LHX1: variants seen among roughly 807,000 people sequenced by gnomAD.
LHX1 encodes the protein LIM homeobox 1, also known as LIM/homeobox protein Lhx1.
A neutral mutation model predicts 34.1 loss-of-function variants in LHX1; 9 were observed. The observed-to-expected ratio is 0.26, with a 90% confidence interval of 0.16 to 0.46. The LOEUF (loss-of-function observed/expected upper bound fraction) is 0.46. LHX1 is among the 20% of genes least tolerant of loss of function. The pLI is 1.00. For synonymous variants in LHX1, 254 were observed against 241.5 expected (o/e 1.05, Z -0.48); for missense variants, 446 against 559.1 (o/e 0.80, Z 2.04).
At chr17:36,937,055 AG>A, upstream of LHX1, 2 of 273,810 alleles carry the variant, frequency 7.3e-6, no homozygotes, top group Non-Finnish European at 1.5e-5. Context: ...AAAAAAAAAA[AG>A]GAAGGAGGCT....
Position 36,937,742 on chromosome 17 carries a change from T to A in LHX1, c.-456T>A. ...GATGCACTTTGACTTCTGACAGCTC[T>A]ACCTCAAGCCCCGGAGAACTCAGCG... On this transcript the variant is annotated 5_prime_UTR_variant, in exon 1 of 5. Coordinates refer to ENST00000614239, the MANE Select transcript of LHX1 (RefSeq NM_005568.5). The A allele has an allele frequency of 2.2e-6, 1 of 462,746 alleles. No individual in the cohort carries two copies. Among genetic ancestry groups the A allele is most frequent in the Non-Finnish European group, 4.3e-6 (1 of 232,166 alleles). 28.7% of individuals were successfully genotyped at this position (462,746 alleles called of 1,614,324 possible). A position where few individuals can be genotyped will look rare whatever the true frequency, so the allele number is the denominator to read the frequency against.
chr17:36,940,368 G>C lies in LHX1; in HGVS notation c.249G>C (p.Val83=), dbSNP rs1446233046. The part of the protein sequence containing the change: ...SDLVRRARSK[V]FHLNCFTCMM... The stretch of plus-strand genomic sequence containing the variant: ...TGGTGCGGAGAGCGCGGAGCAAAGT[G>C]TTTCACCTGAACTGCTTCACCTGCA... The change falls in exon 2 of 5, where the codon GTG becomes GTC. Residue 83 remains valine, a synonymous_variant. Coordinates refer to ENST00000614239, the MANE Select transcript of LHX1 (RefSeq NM_005568.5). 9.3e-6 allele frequency: 15 copies of C among 1,612,264 alleles called. No individual in the cohort carries two copies. Among genetic ancestry groups the C allele is most frequent in the Non-Finnish European group, 1.3e-5 (15 of 1,179,782 alleles).
chr17:36,938,445 G>A lies in LHX1; in HGVS notation c.170+78G>A, dbSNP rs1863324601. On this transcript the variant is annotated intron_variant, in intron 1 of 4. Coordinates refer to ENST00000614239, the MANE Select transcript of LHX1 (RefSeq NM_005568.5). ...GGCCAGCTTCGGATCAGAGGTTAGC[G>A]TGGCCTCGCTGCCCAGTTAGGAACT... 13 of 1,455,554 alleles carry A rather than the reference G, an allele frequency of 8.9e-6. No individual in the cohort carries two copies. The South Asian group carries it at 1.1e-4, about 13-fold the overall frequency. The allele number at this position is 1,455,554 out of a possible 1,614,324, so 90.2% of individuals were successfully genotyped here. A position where few individuals can be genotyped will look rare whatever the true frequency, so the allele number is the denominator to read the frequency against.
intron 1 of LHX1, 167 bp downstream of exon 1, chr17:36,938,534 G>T: frequency 1.4e-6 from 1 of 719,800 alleles, no homozygotes; most frequent in Non-Finnish European, 2.5e-6. Context: ...CGCGCTGGGA[G>T]CCCGGGACGC....
Position 36,938,163 on chromosome 17 carries a change from C to T in LHX1, c.-35C>T, listed in dbSNP as rs182011601. 1.8e-3 allele frequency: 2,881 copies of T among 1,611,676 alleles called. 12 individuals carry two copies. The highest frequency in any genetic ancestry group is 1.6e-3 in the Non-Finnish European group (1,831 of 1,179,260). ...CCCCTGGGCTCTACTTTGCCCCTCT[C>T]TCTCTCTGGGCCTCATCAGACCAAA... On this transcript the variant is annotated 5_prime_UTR_variant, in exon 1 of 5. Coordinates refer to ENST00000614239, the MANE Select transcript of LHX1 (RefSeq NM_005568.5).
rs925227092 is a variant in LHX1, at chr17:36,941,733, G to C, written c.676-467G>C. ...TAAGTATGTTTGGCACTGTGAGATTGTACATGGGTGTGAAAAGGAGATTGT... is the reference window on the plus strand; with the variant it reads ...TAAGTATGTTTGGCACTGTGAGATTCTACATGGGTGTGAAAAGGAGATTGT... On this transcript the variant is annotated intron_variant, in intron 3 of 4. Transcript: ENST00000614239. Among the ~76,000 whole-genome samples, 6 of 152,368 alleles carry C rather than the reference G, an allele frequency of 3.9e-5. No individual in the cohort carries two copies. In the East Asian group the frequency reaches 5.8e-4, roughly 15 times the overall value.
chr17:36,942,435 G>T lies in LHX1; in HGVS notation c.841+70G>T, dbSNP rs2070771839. 5.5e-6 allele frequency: 8 copies of T among 1,458,004 alleles called. No homozygotes were observed. In the South Asian group the frequency reaches 8.7e-5, roughly 16 times the overall value. The allele number at this position is 1,458,004 out of a possible 1,614,324, so 90.3% of individuals were successfully genotyped here. ...CTTCGTTGGAAGCGGGTGGCAGCGC[G>T]GGGGGGCACGCCTCGCTCTCTGTAA... On this transcript the variant is annotated intron_variant, in intron 4 of 4. Coordinates refer to ENST00000614239, the MANE Select transcript of LHX1 (RefSeq NM_005568.5).
chr17:36,943,231 C>T lies in LHX1; in HGVS notation c.*100C>T. The T allele has an allele frequency of 7.4e-7, 1 of 1,352,358 alleles. No homozygotes were observed. 83.8% of individuals were successfully genotyped at this position (1,352,358 alleles called of 1,614,324 possible). A position where few individuals can be genotyped will look rare whatever the true frequency, so the allele number is the denominator to read the frequency against. On this transcript the variant is annotated 3_prime_UTR_variant, in exon 5 of 5. Coordinates refer to ENST00000614239, the MANE Select transcript of LHX1 (RefSeq NM_005568.5). ...AAACATAAAAAGCAAGTCCCCACCC[C>T]CTTCCTCCAGCCTCGAGAACCATTC...
intron 3 of LHX1, chr17:36,941,678 T>C (rs561307837): frequency 3.4e-4 from 67 of 195,904 alleles, no homozygotes; most frequent in African/African-American, 1.4e-3. Flanking sequence ...AAGTCGTGTG[T>C]CTGTGTCACT....
intron 1 of LHX1, among the ~76,000 whole-genome samples, chr17:36,939,187 T>TGG (rs1209513573): frequency 3.3e-5 from 5 of 152,130 alleles, no homozygotes; most frequent in Non-Finnish European, 7.4e-5. Context: ...CCTTATTCGT[T>TGG]TAGCATTTTA....
Position 36,940,863 on chromosome 17 carries a change from C to A in LHX1, c.651C>A (p.Thr217=), listed in dbSNP as rs767324228. 2 of 1,606,022 alleles carry A rather than the reference C, an allele frequency of 1.2e-6. No individual in the cohort carries two copies. The highest frequency in any genetic ancestry group is 1.7e-6 in the Non-Finnish European group (2 of 1,177,704). Reference sequence around the variant, plus strand: ...TCCGCGAGCAGCTGGCGCAGGAGACCGGCCTCAACATGCGCGTCATTCAGG... The same window carrying A: ...TCCGCGAGCAGCTGGCGCAGGAGACAGGCCTCAACATGCGCGTCATTCAGG... ...RHIREQLAQE[T]GLNMRVIQVW... is the part of the protein sequence containing the mutation. The change falls in exon 3 of 5, where the codon ACC becomes ACA. Residue 217 remains threonine (T), a synonymous_variant. Coordinates refer to ENST00000614239, the MANE Select transcript of LHX1 (RefSeq NM_005568.5).
At position 36,943,252 on chromosome 17, in the gene LHX1, C is replaced by T. The variant is rs1390473319; in HGVS notation, c.*121C>T. On this transcript the variant is annotated 3_prime_UTR_variant, in exon 5 of 5. Transcript: ENST00000614239. Reference sequence around the variant, plus strand: ...ACCCCCTTCCTCCAGCCTCGAGAACCATTCTCCTTCTGGGGAGACCGGATG... The same window carrying T: ...ACCCCCTTCCTCCAGCCTCGAGAACTATTCTCCTTCTGGGGAGACCGGATG... 3 of 1,213,812 alleles carry T rather than the reference C, an allele frequency of 2.5e-6. No individual in the cohort carries two copies. In the South Asian group the frequency reaches 4.7e-5, roughly 19 times the overall value. 75.2% of individuals were successfully genotyped at this position (1,213,812 alleles called of 1,614,324 possible).
In LHX1 at chr17:36,937,681, C is replaced by A; in HGVS notation, c.-517C>A. ...GAAATCCCAGTGGTGGGCAGCCTGG[C>A]ACGCACACAGTCGCCCTCATACCCC... On this transcript the variant is annotated 5_prime_UTR_variant, in exon 1 of 5. Transcript: ENST00000614239. 1 of 394,358 alleles carries A rather than the reference C, an allele frequency of 2.5e-6. No individual in the cohort carries two copies. Among genetic ancestry groups the A allele is most frequent in the Non-Finnish European group, 5.1e-6 (1 of 196,646 alleles). 24.4% of individuals were successfully genotyped at this position (394,358 alleles called of 1,614,324 possible).
chr17:36,942,056 C>G, intron 3 of LHX1, 144 bp from the exon 4 acceptor site: 1 of 759,590 alleles, frequency 1.3e-6, no homozygotes, highest in Non-Finnish European at 2.1e-6. Flanking sequence ...GAGATCGCAC[C>G]GTCACCACTA....
rs1157753934 is a variant in LHX1 at position 36,944,126 on chromosome 17, G to A, written c.*995G>A. On this transcript the variant is annotated 3_prime_UTR_variant, in exon 5 of 5. Transcript: ENST00000614239. ...GTTCTGACAGATTTGCAGGGCTTTC[G>A]GCTCACTGTGCTAGTATGTAAAAAG... The A allele has an allele frequency of 1.3e-5, 2 of 151,814 alleles. No individual in the cohort carries two copies. Among genetic ancestry groups the A allele is most frequent in the African/African-American group, 2.4e-5 (1 of 41,320 alleles). 9.4% of individuals were successfully genotyped at this position (151,814 alleles called of 1,614,324 possible). A position where few individuals can be genotyped will look rare whatever the true frequency, so the allele number is the denominator to read the frequency against.
chr17:36,937,531 C>T lies in LHX1; in HGVS notation c.-667C>T, dbSNP rs751032758. 6.2e-6 allele frequency: 2 copies of T among 322,038 alleles called. No homozygotes were observed. Among genetic ancestry groups the T allele is most frequent in the African/African-American group, 2.2e-5 (1 of 44,714 alleles). 19.9% of individuals were successfully genotyped at this position (322,038 alleles called of 1,614,324 possible). ...CCTTCTCCCGCGGTCGGCCCTCGCCCCCTCCCCCAGGCCCAGCGCGGGCGC... is the reference window on the plus strand; with the variant it reads ...CCTTCTCCCGCGGTCGGCCCTCGCCTCCTCCCCCAGGCCCAGCGCGGGCGC... On this transcript the variant is annotated 5_prime_UTR_variant, in exon 1 of 5. Coordinates refer to ENST00000614239, the MANE Select transcript of LHX1 (RefSeq NM_005568.5).
Position 36,942,260 on chromosome 17 carries a change from G to T in LHX1, c.736G>T (p.Ala246Ser), listed in dbSNP as rs1263950357. The change falls in exon 4 of 5, where the codon GCC becomes TCC. Residue 246 changes from alanine to serine, a missense_variant. Physicochemically the swap from Ala to Ser is moderately conservative, Grantham distance 99. Coordinates refer to ENST00000614239, the MANE Select transcript of LHX1 (RefSeq NM_005568.5). ...GATGAAGCAGCTGAGCGCCCTGGGC[G>T]CCCGGCGCCACGCCTTCTTCCGCAG... ...RRMKQLSALG[A>S]RRHAFFRSPR... The T allele has an allele frequency of 3.1e-6, 5 of 1,600,136 alleles. No individual in the cohort carries two copies. The highest frequency in any genetic ancestry group is 4.3e-6 in the Non-Finnish European group (5 of 1,175,420).
intron 1 of LHX1, chr17:36,938,579 G>A (rs1398028532): frequency 7.7e-6 from 5 of 647,836 alleles, no homozygotes; most frequent in African/African-American, 3.6e-5. Context: ...ATGGGTCTGG[G>A]TTTGGCTGCA....
rs1567957166 is a variant in LHX1 at position 36,940,560 on chromosome 17, G to C, written c.397+44G>C. 1.9e-6 allele frequency: 3 copies of C among 1,613,712 alleles called. No homozygotes were observed. In the Middle Eastern group the frequency reaches 4.9e-4, roughly 266 times the overall value. On this transcript the variant is annotated intron_variant, in intron 2 of 4. Coordinates refer to ENST00000614239, the MANE Select transcript of LHX1 (RefSeq NM_005568.5). ...GCTGGCTAGGTGCAAGCGGGTCCTG[G>C]GGGAGGAAGGCTCGCCAAGGCCCCG...
Sources: gnomAD v4.1 joint callset for allele counts (sites outside exome capture counted in the v4.1 genomes callset) on GRCh38, gnomAD v4.1.1 for gene constraint, MANE v1.5 for transcripts, NCBI Gene and HGNC (gene_info 2026-07-23, HGNC 2026-07-21) for gene names.